SYCP2: variants seen among roughly 807,000 people sequenced by gnomAD.
The protein encoded by SYCP2 is synaptonemal complex protein 2.
A neutral mutation model predicts 211.3 loss-of-function variants in SYCP2; 55 were observed. That is an observed-to-expected ratio of 0.26 (90% CI 0.21 to 0.33). The LOEUF (loss-of-function observed/expected upper bound fraction) is 0.33. Ranked by LOEUF, SYCP2 falls within the 10% of genes least tolerant of loss-of-function variation. The pLI, the probability that SYCP2 is intolerant of heterozygous loss-of-function variation, is 1.00. For missense variants in SYCP2, 1,731 were observed against 1,752.0 expected (o/e 0.99, Z 0.21); for synonymous variants, 570 against 555.2 (o/e 1.03, Z -0.37).
intron 14 of SYCP2, among the ~76,000 whole-genome samples, chr20:59,911,071 A>T (rs1487560608): frequency 6.6e-6 from 1 of 152,226 alleles, no homozygotes; most frequent in Non-Finnish European, 1.5e-5. Flanking sequence ...CCTTATTATA[A>T]TATCACCAGC....
intron 15 of SYCP2, among the ~76,000 whole-genome samples, chr20:59,905,340 T>TAA (rs2145802353): frequency 6.6e-6 from 1 of 152,278 alleles, no homozygotes; most frequent in East Asian, 1.9e-4. Context: ...TCATAATAGC[T>TAA]AAAAACTGGG....
At position 59,896,447 on chromosome 20, in the gene SYCP2, C is replaced by T; in HGVS notation, c.1486G>A (p.Val496Met). 6.3e-7 allele frequency: 1 copy of T among 1,592,248 alleles called. No homozygotes were observed. Among genetic ancestry groups the T allele is most frequent in the South Asian group, 1.1e-5 (1 of 89,092 alleles). The change falls in exon 19 of 45, where the codon GTG becomes ATG. Residue 496 changes from valine (V) to methionine (M), a missense_variant. Physicochemically the swap from Val to Met is conservative, Grantham distance 21 (BLOSUM62 1). Around this residue, in one of 3 missense-constraint regions of SYCP2, gnomAD observed 1,387 missense variants for 1,351.3 expected, o/e 1.03. Transcript: ENST00000357552. Reference protein sequence around the residue: ...GADRYTMRSPVLFSNTSIPPR... With the variant: ...GADRYTMRSPMLFSNTSIPPR... ...AACTTACATGTGTTGCTGAAAAGCA[C>T]TGGACTTCTCATAGTGTATCTATCT...
chr20:59,895,799 T>G (rs1255686417), intron 19 of SYCP2, among the ~76,000 whole-genome samples: 2 of 152,014 alleles, frequency 1.3e-5, no homozygotes, highest in Non-Finnish European at 2.9e-5. Flanking sequence ...AAAGATTAAT[T>G]TAATTTTGGA....
intron 34 of SYCP2, among the ~76,000 whole-genome samples, chr20:59,874,958 T>C (rs558762261): frequency 6.6e-6 from 1 of 151,816 alleles, no homozygotes; most frequent in Admixed American, 6.6e-5. Flanking sequence ...TAAATATATA[T>C]TGAGCTAAAA....
At chr20:59,880,923 GA>G (rs2059665631) in intron 30 of SYCP2, 42 bp downstream of exon 30, 1 of 907,148 alleles carries the variant, frequency 1.1e-6, no homozygotes, top group Non-Finnish European at 1.6e-6. Flanking sequence ...AAAATTAAGA[GA>G]AATACTACTT....
intron 2 of SYCP2, among the ~76,000 whole-genome samples, chr20:59,923,971 ACCCT>A (rs1404369967): frequency 6.6e-6 from 1 of 151,800 alleles, no homozygotes; most frequent in African/African-American, 2.4e-5. Flanking sequence ...TAAGAATGTC[ACCCT>A]CCCAATATGC....
Position 59,868,409 on chromosome 20 carries a change from C to G in SYCP2, c.3988+4G>C. On this transcript the variant is annotated splice_donor_region_variant and intron_variant, in intron 38 of 44. Coordinates refer to ENST00000357552, the MANE Select transcript of SYCP2 (RefSeq NM_014258.4). ...ATTTTGATACAGGCTACTGATCTAC[C>G]TACTTTTGTGGATATGATGATCTGC... is the stretch of plus-strand genomic sequence containing the variant. 2 of 1,608,380 alleles carry G rather than the reference C, an allele frequency of 1.2e-6. No homozygotes were observed. Among genetic ancestry groups the G allele is most frequent in the Non-Finnish European group, 1.7e-6 (2 of 1,177,592 alleles).
chr20:59,874,737 A>T (rs1398182004), intron 34 of SYCP2, among the ~76,000 whole-genome samples: 2 of 152,074 alleles, frequency 1.3e-5, no homozygotes, highest in Non-Finnish European at 2.9e-5. Flanking sequence ...GGGCAAACTT[A>T]TACTTTCTAT....
chr20:59,877,498 T>C lies in SYCP2; in HGVS notation c.3037A>G (p.Arg1013Gly). Reference protein sequence around the residue: ...MDKTIPEGRIRLPRKATKTKK... With the variant: ...MDKTIPEGRIGLPRKATKTKK... Reference sequence around the variant, plus strand: ...GTTTTGGTTGCTTTTCGTGGAAGTCTGATTCTTCCTTCCGGAATTGTCTTG... The same window carrying C: ...GTTTTGGTTGCTTTTCGTGGAAGTCCGATTCTTCCTTCCGGAATTGTCTTG... Residue 1013 changes from arginine (R) to glycine (G), a missense_variant, in exon 33 of 45, where the codon AGA (arginine) becomes GGA (glycine). By Grantham distance (125) the Arg-to-Gly change is moderately radical (BLOSUM62 -2). Coordinates refer to ENST00000357552, the MANE Select transcript of SYCP2 (RefSeq NM_014258.4). 1 of 1,605,504 alleles carries C rather than the reference T, an allele frequency of 6.2e-7. No homozygotes were observed. The highest frequency in any genetic ancestry group is 8.5e-7 in the Non-Finnish European group (1 of 1,178,042).
At chr20:59,931,005 T>C (rs1451061520) in intron 2 of SYCP2, among the ~76,000 whole-genome samples, 1 of 152,058 alleles carries the variant, frequency 6.6e-6, no homozygotes, top group African/African-American at 2.4e-5. Flanking sequence ...GAACTATATA[T>C]AGTAACTTAT....
chr20:59,880,312 C>T lies in SYCP2; in HGVS notation c.2932G>A (p.Gly978Arg), dbSNP rs1451572174. The T allele has an allele frequency of 1.3e-6, 2 of 1,578,506 alleles. No individual in the cohort carries two copies. Among genetic ancestry groups the T allele is most frequent in the Non-Finnish European group, 1.7e-6 (2 of 1,160,902 alleles). Residue 978 changes from glycine to arginine, a missense_variant, in exon 31 of 45, where the codon GGA becomes AGA. By Grantham distance (125) the Gly-to-Arg change is moderately radical. Transcript: ENST00000357552. ...AAAGATAATTTCTTACTTGATTTTC[C>T]ACTTTTATGATTCTTCACATTTTTA... ...RNKNVKNHKSGKSRSSLEKGQ... is the reference protein window; with the variant it reads ...RNKNVKNHKSRKSRSSLEKGQ...
At chr20:59,872,919 A>G (rs1313088217) in intron 35 of SYCP2, among the ~76,000 whole-genome samples, 1 of 152,104 alleles carries the variant, frequency 6.6e-6, no homozygotes, top group Non-Finnish European at 1.5e-5. Context: ...TGTAATTACA[A>G]TATTTGGTTT....
At chr20:59,932,899 G>GA (rs1488592025) in intron 1 of SYCP2, among the ~76,000 whole-genome samples, 1 of 152,116 alleles carries the variant, frequency 6.6e-6, no homozygotes, top group Non-Finnish European at 1.5e-5. Flanking sequence ...CGCCGAGCAG[G>GA]AGGAAGGTTT....
intron 18 of SYCP2, 49 bp from the exon 19 acceptor site, chr20:59,896,577 TTAAA>T: frequency 1.1e-6 from 1 of 947,362 alleles, no homozygotes; most frequent in East Asian, 2.4e-5. Context: ...CTTTTTGAAA[TTAAA>T]TATCCTACAA....
rs545923557 is a variant in SYCP2 at position 59,916,545 on chromosome 20, C to T, written c.454G>A (p.Val152Ile). Residue 152 changes from valine to isoleucine, a missense_variant, in exon 8 of 45, where the codon GTA becomes ATA. Transcript: ENST00000357552. ...ATAACCAGGGAACAAATGCGAGGTACGAAACTTTCCACTACTTGTTTTTTA... is the reference window on the plus strand; with the variant it reads ...ATAACCAGGGAACAAATGCGAGGTATGAAACTTTCCACTACTTGTTTTTTA... ...EGKKQVVESF[V>I]PRICSLVIDS... 1.7e-5 allele frequency: 27 copies of T among 1,609,052 alleles called. No individual in the cohort carries two copies. The East Asian group carries it at 2.5e-4, about 15-fold the overall frequency.
At chr20:59,924,519 C>T (rs1377129748) in intron 2 of SYCP2, among the ~76,000 whole-genome samples, 1 of 151,940 alleles carries the variant, frequency 6.6e-6, no homozygotes, top group Non-Finnish European at 1.5e-5. Flanking sequence ...ATGGATACCC[C>T]ATTCTCCATA....
At chr20:59,913,856 A>G in intron 12 of SYCP2, 119 bp downstream of exon 12, 1 of 605,990 alleles carries the variant, frequency 1.7e-6, no homozygotes, top group Non-Finnish European at 2.6e-6. Flanking sequence ...CACATTCTAC[A>G]CTCCAACATA....
At chr20:59,876,960 G>A (rs968655952) in intron 33 of SYCP2, among the ~76,000 whole-genome samples, 7 of 152,214 alleles carry the variant, frequency 4.6e-5, no homozygotes, top group African/African-American at 1.7e-4. Context: ...ACAGGTGACT[G>A]GGAATGTTTC....
intron 2 of SYCP2, among the ~76,000 whole-genome samples, chr20:59,923,683 G>C (rs2060581732): frequency 6.6e-6 from 1 of 151,290 alleles, no homozygotes; most frequent in Non-Finnish European, 1.5e-5. Context: ...GCCTAGTCAA[G>C]AGAGGGAGAC....
Sources: allele counts gnomAD v4.1 joint callset (sites outside exome capture counted in the v4.1 genomes callset), GRCh38; gene constraint gnomAD v4.1.1; regional missense constraint gnomAD v4.1.1; transcripts MANE v1.5; gene names NCBI Gene and HGNC (gene_info 2026-07-23, HGNC 2026-07-21).